Variants in URI1 observed in about 807,000 individuals in gnomAD.
URI1 encodes unconventional prefoldin RPB5 interactor 1.
Under a neutral mutation model 60.2 loss-of-function variants are expected in URI1, and 39 were observed. The ratio of observed to expected loss-of-function variants is 0.65; its 90% CI spans 0.50 to 0.85. The LOEUF is 0.85. Ranked by LOEUF, URI1 falls within the 40% of genes least tolerant of loss-of-function variation. The probability of loss-of-function intolerance (pLI) is 0.00; values close to 1 mark genes in which losing one functional copy is unlikely to be tolerated. For synonymous variants in URI1, 251 were observed against 236.8 expected (o/e 1.06, Z -0.55); for missense variants, 691 against 665.9 (o/e 1.04, Z -0.42).
chr19:29,991,451 G>T (rs1421960041), intron 4 of URI1, among the ~76,000 whole-genome samples: 1 of 152,092 alleles, frequency 6.6e-6, no homozygotes, highest in East Asian at 1.9e-4. Flanking sequence ...AATTAACATT[G>T]TATCCTCCAT....
chr19:29,998,396 C>A (rs905752486), intron 4 of URI1, among the ~76,000 whole-genome samples: 2 of 152,006 alleles, frequency 1.3e-5, no homozygotes, highest in African/African-American at 4.8e-5. Flanking sequence ...GCTGTTCTGT[C>A]CTTTATTGAA....
chr19:29,973,696 T>C (rs1449293797), intron 2 of URI1, among the ~76,000 whole-genome samples: 24 of 152,070 alleles, frequency 1.6e-4, no homozygotes, highest in Admixed American at 1.5e-3. Context: ...CCACAGGATC[T>C]ACCCAAAAAA....
intron 1 of URI1, among the ~76,000 whole-genome samples, chr19:29,960,558 C>T (rs964532563): frequency 6.6e-6 from 1 of 151,874 alleles, no homozygotes; most frequent in Non-Finnish European, 1.5e-5. Flanking sequence ...TTCAAGTCTC[C>T]TTTGTTGGAT....
intron 1 of URI1, among the ~76,000 whole-genome samples, chr19:29,946,545 G>T (rs1429169747): frequency 6.6e-6 from 1 of 152,132 alleles, no homozygotes; most frequent in Non-Finnish European, 1.5e-5. Context: ...ATAATTGAGT[G>T]CCTCATGTAG....
intron 4 of URI1, among the ~76,000 whole-genome samples, chr19:29,994,052 C>G (rs1010289289): frequency 1.4e-5 from 2 of 147,262 alleles, no homozygotes; most frequent in Non-Finnish European, 3.0e-5. Context: ...CAGTGAATAA[C>G]CTCTGTGTGT....
At chr19:29,926,242 TC>T (rs1336726418) in intron 1 of URI1, among the ~76,000 whole-genome samples, 68 of 109,356 alleles carry the variant, frequency 6.2e-4, no homozygotes, top group Non-Finnish European at 9.3e-4. Flanking sequence ...TCTCCTTCCT[TC>T]CTTCCTTCCT....
chr19:29,961,024 A>C (rs1297464446), intron 1 of URI1, among the ~76,000 whole-genome samples: 1 of 151,856 alleles, frequency 6.6e-6, no homozygotes, highest in Non-Finnish European at 1.5e-5. Flanking sequence ...CTAATTAAAA[A>C]AAAAAATTTT....
intron 4 of URI1, among the ~76,000 whole-genome samples, chr19:29,997,691 A>G (rs890649567): frequency 3.3e-5 from 5 of 151,994 alleles, no homozygotes; most frequent in Non-Finnish European, 7.4e-5. Flanking sequence ...AGCTATAAAT[A>G]TCTTTCTTAG....
intron 9 of URI1, among the ~76,000 whole-genome samples, 190 bp downstream of exon 9, chr19:30,011,426 G>C (rs2056017878): frequency 6.6e-6 from 1 of 151,780 alleles, no homozygotes; most frequent in Non-Finnish European, 1.5e-5. Flanking sequence ...TGGGAATGGA[G>C]GATTTTTTTT....
intron 4 of URI1, among the ~76,000 whole-genome samples, chr19:30,001,631 C>T (rs1007126516): frequency 1.3e-5 from 2 of 151,870 alleles, no homozygotes; most frequent in African/African-American, 4.8e-5. Flanking sequence ...AAAGTTCACT[C>T]TTCTTTTGGA....
At chr19:29,998,677 T>C (rs2055841871) in intron 4 of URI1, among the ~76,000 whole-genome samples, 1 of 152,182 alleles carries the variant, frequency 6.6e-6, no homozygotes, top group Non-Finnish European at 1.5e-5. Context: ...ATTCCTTCAC[T>C]TTCAACCTAT....
chr19:30,008,557 G>C (rs1424307705), intron 7 of URI1, among the ~76,000 whole-genome samples: 1 of 151,914 alleles, frequency 6.6e-6, no homozygotes, highest in Non-Finnish European at 1.5e-5. Context: ...ATATATTCGT[G>C]TGCATATGTA....
intron 1 of URI1, among the ~76,000 whole-genome samples, chr19:29,965,037 G>A (rs1444976375): frequency 1.3e-5 from 2 of 152,164 alleles, no homozygotes; most frequent in African/African-American, 4.8e-5. Context: ...AAGAAGTCAG[G>A]AGGGAGTCAA....
At chr19:29,935,988 A>C (rs1189304608) in intron 1 of URI1, among the ~76,000 whole-genome samples, 2 of 151,936 alleles carry the variant, frequency 1.3e-5, no homozygotes, top group Non-Finnish European at 2.9e-5. Context: ...GGGTTTCACT[A>C]TGTTGACCAG....
At chr19:29,953,975 A>G (rs1200138849) in intron 1 of URI1, among the ~76,000 whole-genome samples, 1 of 152,230 alleles carries the variant, frequency 6.6e-6, no homozygotes, top group Non-Finnish European at 1.5e-5. Context: ...AAGAAACTAA[A>G]AAAATAAAAC....
intron 1 of URI1, among the ~76,000 whole-genome samples, chr19:29,949,563 G>A (rs967090709): frequency 6.6e-6 from 1 of 152,326 alleles, no homozygotes; most frequent in East Asian, 1.9e-4. Context: ...GCAGGCGGCT[G>A]GGAGGTGGAG....
intron 10 of URI1, 124 bp from the exon 11 acceptor site, chr19:30,014,762 TG>T (rs1568450416): frequency 1.2e-5 from 10 of 847,836 alleles, no homozygotes; most frequent in Non-Finnish European, 1.8e-5. Context: ...GGTGTAGTAG[TG>T]TTGTCTAGCC....
intron 2 of URI1, among the ~76,000 whole-genome samples, chr19:29,978,157 T>C (rs2055548708): frequency 6.6e-6 from 1 of 152,228 alleles, no homozygotes; most frequent in African/African-American, 2.4e-5. Context: ...CAAGCTTTTA[T>C]ATCATGTTTT....
intron 4 of URI1, among the ~76,000 whole-genome samples, chr19:30,002,521 C>G (rs1409689547): frequency 6.6e-6 from 1 of 151,932 alleles, no homozygotes. Context: ...CACATTTAAC[C>G]TGCAGCCTGG....
Sources: allele counts gnomAD v4.1 joint callset (sites outside exome capture counted in the v4.1 genomes callset), GRCh38; gene constraint gnomAD v4.1.1; transcripts MANE v1.5; gene names NCBI Gene and HGNC (gene_info 2026-07-23, HGNC 2026-07-21).